Variants in CHAF1B observed in about 807,000 individuals in gnomAD.
CHAF1B encodes the protein chromatin assembly factor 1 subunit B.
In CHAF1B, 10 loss-of-function variants were observed where a neutral mutation model predicts 60.7. The ratio of observed to expected loss-of-function variants is 0.16; its 90% confidence interval spans 0.10 to 0.28. The LOEUF is 0.28. CHAF1B is among the 10% of genes least tolerant of loss of function. The pLI is 1.00. For missense variants in CHAF1B, 558 were observed against 708.4 expected (o/e 0.79, Z 2.41); for synonymous variants, 261 against 266.1 (o/e 0.98, Z 0.19).
Position 36,397,508 on chromosome 21 carries a change from A to G in CHAF1B, c.575A>G (p.Asp192Gly). The change falls in exon 6 of 14, where the codon GAC (aspartate) becomes GGC (glycine). Residue 192 changes from aspartate to glycine, a missense_variant. Around this residue, in one of 2 missense-constraint regions of CHAF1B, gnomAD observed 325 missense variants for 493.5 expected, o/e 0.66. Coordinates refer to ENST00000314103, the MANE Select transcript of CHAF1B (RefSeq NM_005441.3). Reference protein sequence around the residue: ...LGQYVATLSCDRVLRVYSIQK... With the variant: ...LGQYVATLSCGRVLRVYSIQK... Reference sequence around the variant, plus strand: ...CAATATGTTGCTACTCTGAGCTGTGACAGGTAAATTCAGCTTTGGCATTTA... The same window carrying G: ...CAATATGTTGCTACTCTGAGCTGTGGCAGGTAAATTCAGCTTTGGCATTTA... The G allele has an allele frequency of 6.7e-7, 1 of 1,497,804 alleles. No homozygotes were observed. The highest frequency in any genetic ancestry group is 9.1e-7 in the Non-Finnish European group (1 of 1,102,930). 92.8% of individuals were successfully genotyped at this position (1,497,804 alleles called of 1,614,324 possible).
Position 36,416,272 on chromosome 21 carries a change from C to T in CHAF1B, c.1589-3C>T, listed in dbSNP as rs781555740. On this transcript the variant is annotated splice_region_variant and splice_polypyrimidine_tract_variant and intron_variant, in intron 13 of 13. Transcript: ENST00000314103. ...GCCAACCTTATGTTTGTTAATGTTG[C>T]AGAGACGCCTGGAGACGCTCAGGGC... 3 of 1,610,380 alleles carry T rather than the reference C, an allele frequency of 1.9e-6. No individual in the cohort carries two copies. Among genetic ancestry groups the T allele is most frequent in the Non-Finnish European group, 1.7e-6 (2 of 1,178,682 alleles).
chr21:36,391,408 G>T lies in CHAF1B; in HGVS notation c.260-143G>T. On this transcript the variant is annotated intron_variant, in intron 3 of 13. Coordinates refer to ENST00000314103, the MANE Select transcript of CHAF1B (RefSeq NM_005441.3). ...GGTCCTGGGAGGCAGAGGTTGCAGT[G>T]AGCCAAGATTGCGCCACTGCACTCC... 6.3e-6 allele frequency: 3 copies of T among 476,742 alleles called. No individual in the cohort carries two copies. The South Asian group carries it at 6.6e-5, about 11-fold the overall frequency. The allele number at this position is 476,742 out of a possible 1,614,324, so 29.5% of individuals were successfully genotyped here.
intron 8 of CHAF1B, among the ~76,000 whole-genome samples, chr21:36,407,300 TAAA>T (rs56714492): frequency 4.7e-5 from 6 of 128,654 alleles, no homozygotes; most frequent in African/African-American, 5.5e-5. Flanking sequence ...AGACTCTGTC[TAAA>T]AAAAAAAAAA....
At chr21:36,386,396 G>T (rs2086034919) in intron 2 of CHAF1B, 134 bp downstream of exon 2, 2 of 1,141,108 alleles carry the variant, frequency 1.8e-6, no homozygotes, top group African/African-American at 3.1e-5. Context: ...GCTGAGGTGA[G>T]AGGATCGCTT....
chr21:36,416,132 C>G (rs2146379744), intron 13 of CHAF1B, 143 bp from the exon 14 acceptor site: 1 of 687,248 alleles, frequency 1.5e-6, no homozygotes, highest in East Asian at 2.8e-5. Context: ...TTGAGAGCCA[C>G]TCTATAGAAC....
rs1555911822 is a variant in CHAF1B at position 36,389,759 on chromosome 21, A to ATGTGTGTGTG, written c.260-1759_260-1750dup. Among the ~76,000 whole-genome samples, 265 of 125,880 alleles carry ATGTGTGTGTG rather than the reference A, an allele frequency of 2.1e-3. 3 individuals carry two copies. Among genetic ancestry groups the ATGTGTGTGTG allele is most frequent in the Non-Finnish European group, 2.8e-3 (172 of 62,000 alleles). The allele number at this position is 125,880 out of a possible 152,430, so 82.6% of individuals were successfully genotyped here. On this transcript the variant is annotated intron_variant, in intron 3 of 13. Transcript: ENST00000314103. ...CATGATACCCAGAGTGCATGAAGGG[A>ATGTGTGTGTG]TGTGTGTGTGTGTGTGTGTGTGTGT...
At position 36,399,528 on chromosome 21, in the gene CHAF1B, C is replaced by T; in HGVS notation, c.586C>T (p.Arg196Ter). The T allele has an allele frequency of 6.2e-7, 1 of 1,613,428 alleles. No individual in the cohort carries two copies. ...VATLSCDRVLRVYSIQKKRVA... is the reference protein window; with the variant it reads ...VATLSCDRVL The stretch of plus-strand genomic sequence containing the variant: ...GACATGTTCTTTCTTCAGGGTGCTG[C>T]GAGTATACAGTATACAGAAGAAGCG... Residue 196 changes from arginine (R) to a stop codon, truncating the protein, a stop_gained, in exon 7 of 14, where the codon CGA becomes TGA. Transcript: ENST00000314103. LOFTEE classifies it high-confidence loss of function.
intron 3 of CHAF1B, among the ~76,000 whole-genome samples, chr21:36,391,080 A>C (rs906286665): frequency 3.3e-5 from 5 of 152,220 alleles, no homozygotes; most frequent in African/African-American, 1.2e-4. Context: ...TTGTTTTTCT[A>C]TTCAGCTATT....
intron 7 of CHAF1B, among the ~76,000 whole-genome samples, chr21:36,401,386 T>C (rs1194471925): frequency 7.5e-6 from 1 of 133,210 alleles, no homozygotes; most frequent in African/African-American, 2.8e-5. Flanking sequence ...TATATATTTT[T>C]ATATTATACA....
chr21:36,406,134 C>T (rs977318326), intron 8 of CHAF1B, among the ~76,000 whole-genome samples: 3 of 152,044 alleles, frequency 2.0e-5, no homozygotes, highest in Non-Finnish European at 1.5e-5. Flanking sequence ...TAATATATGA[C>T]CTCAGGTGCT....
rs201964602 is a variant in CHAF1B, at chr21:36,416,347, C to T, written c.1661C>T (p.Thr554Met). ...AGACTCGATGAAAACAAAGGAGGCA[C>T]GGAAAGTCTGGACCCTTGATGGGAC... ...RPRLDENKGGTESLDP is the reference protein window; with the variant it reads ...RPRLDENKGGMESLDP Residue 554 changes from threonine to methionine, a missense_variant, in exon 14 of 14, where the codon ACG (threonine) becomes ATG (methionine). Transcript: ENST00000314103. The T allele has an allele frequency of 5.3e-5, 86 of 1,613,850 alleles. No individual in the cohort carries two copies. The highest frequency in any genetic ancestry group is 9.9e-5 in the South Asian group (9 of 91,046).
At chr21:36,413,621 G>A (rs1476244903) in intron 12 of CHAF1B, among the ~76,000 whole-genome samples, 4 of 152,022 alleles carry the variant, frequency 2.6e-5, no homozygotes, top group Admixed American at 2.0e-4. Flanking sequence ...CTTCATCTCC[G>A]GCCTAGTCCT....
chr21:36,396,383 A>G (rs1056279942), intron 5 of CHAF1B, among the ~76,000 whole-genome samples: 5 of 148,522 alleles, frequency 3.4e-5, no homozygotes, highest in African/African-American at 1.3e-4. Context: ...AAAAAAAAAA[A>G]GAATGACTTG....
intron 5 of CHAF1B, among the ~76,000 whole-genome samples, chr21:36,397,018 T>C (rs1049657259): frequency 1.4e-4 from 22 of 152,204 alleles, no homozygotes; most frequent in African/African-American, 4.8e-4. Context: ...CTGCTCCATA[T>C]TCACTTCGCT....
intron 5 of CHAF1B, among the ~76,000 whole-genome samples, chr21:36,395,929 A>C (rs1270753357): frequency 6.6e-6 from 1 of 151,750 alleles, no homozygotes; most frequent in Non-Finnish European, 1.5e-5. Flanking sequence ...AGTCTATAAA[A>C]ATTTTTGCTC....
At chr21:36,399,001 ATC>A in intron 6 of CHAF1B, among the ~76,000 whole-genome samples, 1 of 150,700 alleles carries the variant, frequency 6.6e-6, no homozygotes, top group African/African-American at 2.4e-5. Context: ...CAGTAAAACA[ATC>A]TGATTAGCTA....
At chr21:36,398,454 G>A (rs2086160988) in intron 6 of CHAF1B, among the ~76,000 whole-genome samples, 1 of 152,122 alleles carries the variant, frequency 6.6e-6, no homozygotes, top group South Asian at 2.1e-4. Context: ...CCACCTCCTA[G>A]GTTCAAGCGA....
intron 1 of CHAF1B, 124 bp from the exon 2 acceptor site, chr21:36,385,933 GTTA>G: frequency 1.8e-6 from 1 of 557,558 alleles, no homozygotes; most frequent in Non-Finnish European, 3.2e-6. Context: ...CTAGCAAGGT[GTTA>G]TTGTCAGATG....
intron 4 of CHAF1B, among the ~76,000 whole-genome samples, chr21:36,394,319 C>T (rs1183566168): frequency 6.6e-6 from 1 of 152,138 alleles, no homozygotes; most frequent in East Asian, 1.9e-4. Flanking sequence ...TTGTGATCTG[C>T]CTGCCTCGGC....
Sources: allele counts gnomAD v4.1 joint callset (sites outside exome capture counted in the v4.1 genomes callset), GRCh38; gene constraint gnomAD v4.1.1; regional missense constraint gnomAD v4.1.1; transcripts MANE v1.5; gene names NCBI Gene and HGNC (gene_info 2026-07-23, HGNC 2026-07-21).